Variants in DPH6 observed in about 807,000 individuals in gnomAD.
The protein encoded by DPH6 is diphthine--ammonia ligase.
A neutral mutation model predicts 38.2 loss-of-function variants in DPH6; 33 were observed. The ratio of observed to expected loss-of-function variants is 0.86; its 90% CI spans 0.65 to 1.15. DPH6 has a LOEUF of 1.15. Among genes scored for constraint, DPH6 ranks in the 50% most tolerant of loss-of-function variants. The pLI is 0.00. For missense variants in DPH6, 325 were observed against 320.0 expected (o/e 1.02, Z -0.12); for synonymous variants, 108 against 103.0 (o/e 1.05, Z -0.30).
intron 3 of DPH6, among the ~76,000 whole-genome samples, chr15:35,336,777 T>C (rs940627774): frequency 2.6e-5 from 4 of 152,348 alleles, no homozygotes; most frequent in African/African-American, 9.6e-5. Flanking sequence ...GAAACAGCCT[T>C]GCATCCCAGG....
intron 5 of DPH6, among the ~76,000 whole-genome samples, chr15:35,429,100 C>T (rs981351714): frequency 5.3e-5 from 8 of 152,140 alleles, no homozygotes; most frequent in African/African-American, 1.2e-4. Flanking sequence ...TAAATTACTA[C>T]AGCCACAACC....
intron 6 of DPH6, among the ~76,000 whole-genome samples, chr15:35,406,559 TGACTGTGAGGATAAAAAGGAG>T (rs1347444278): frequency 1.3e-5 from 2 of 151,912 alleles, no homozygotes; most frequent in African/African-American, 4.8e-5. Context: ...GCTAATGTGG[TGACTGTGAGGATAAAAAGGAG>T]GAAATAGTAA....
intron 6 of DPH6, among the ~76,000 whole-genome samples, chr15:35,404,425 G>A (rs374614749): frequency 1.3e-5 from 2 of 152,074 alleles, no homozygotes; most frequent in African/African-American, 2.4e-5. Flanking sequence ...ATTTTAACTG[G>A]TGTGAGAGAT....
chr15:35,232,770 A>G (rs1210474185), intron 3 of DPH6, among the ~76,000 whole-genome samples: 1 of 152,236 alleles, frequency 6.6e-6, no homozygotes, highest in Non-Finnish European at 1.5e-5. Flanking sequence ...TGGGAGGAGT[A>G]TGGTATAACA....
At chr15:35,300,143 T>C (rs920733486) in intron 3 of DPH6, among the ~76,000 whole-genome samples, 1 of 152,074 alleles carries the variant, frequency 6.6e-6, no homozygotes, top group Non-Finnish European at 1.5e-5. Flanking sequence ...AGAACAAGCT[T>C]GGCATGCTGA....
At position 35,430,393 on chromosome 15, in the gene DPH6, GA is replaced by G. The variant is rs562833474; in HGVS notation, c.506-19498del. On this transcript the variant is annotated intron_variant, in intron 5 of 8. Coordinates refer to ENST00000256538, the MANE Select transcript of DPH6 (RefSeq NM_080650.4). Reference sequence around the variant, plus strand: ...TGATATGTTAAACAACCTTCATACTGAAAAAAAAAAAAAATGCAATTATTGA... The same window carrying G: ...TGATATGTTAAACAACCTTCATACTGAAAAAAAAAAAAATGCAATTATTGA... Among the ~76,000 whole-genome samples, 666 of 137,592 alleles carry G rather than the reference GA, an allele frequency of 4.8e-3. 5 individuals carry two copies. The highest frequency in any genetic ancestry group is 0.011 in the African/African-American group (402 of 38,172). The allele number at this position is 137,592 out of a possible 152,430, so 90.3% of individuals were successfully genotyped here.
At chr15:35,409,034 G>T (rs1327558887) in intron 6 of DPH6, among the ~76,000 whole-genome samples, 1 of 151,890 alleles carries the variant, frequency 6.6e-6, no homozygotes, top group African/African-American at 2.4e-5. Context: ...AGACAGTCGA[G>T]GGGGTGGGTT....
chr15:35,186,372 C>T, the DPH6 span, among the ~76,000 whole-genome samples: 1 of 152,112 alleles, frequency 6.6e-6, no homozygotes, highest in African/African-American at 2.4e-5. Flanking sequence ...GATTTTTAGT[C>T]CAGCACAAAA....
intron 3 of DPH6, among the ~76,000 whole-genome samples, chr15:35,504,884 T>G (rs2054674415): frequency 6.6e-6 from 1 of 151,922 alleles, no homozygotes; most frequent in African/African-American, 2.4e-5. Flanking sequence ...GAGGAAATAA[T>G]AAAACATATC....
intron 3 of DPH6, among the ~76,000 whole-genome samples, chr15:35,465,449 T>G (rs565577342): frequency 6.6e-6 from 1 of 152,288 alleles, no homozygotes; most frequent in African/African-American, 2.4e-5. Context: ...AGCGAGAAAT[T>G]TATATGGCAA....
chr15:35,503,573 C>T (rs1003729661), intron 3 of DPH6, among the ~76,000 whole-genome samples: 1 of 152,112 alleles, frequency 6.6e-6, no homozygotes, highest in African/African-American at 2.4e-5. Flanking sequence ...TACCCTTATT[C>T]TTCTATTCAG....
At chr15:35,175,006 A>G in the DPH6 span, among the ~76,000 whole-genome samples, 1 of 152,210 alleles carries the variant, frequency 6.6e-6, no homozygotes, top group Non-Finnish European at 1.5e-5. Context: ...TCATACTTAC[A>G]TATCTATGCT....
At chr15:35,427,876 T>A (rs1347754100) in intron 5 of DPH6, among the ~76,000 whole-genome samples, 1 of 151,914 alleles carries the variant, frequency 6.6e-6, no homozygotes. Context: ...CTTTCTTTTC[T>A]TCCCTACAAT....
At chr15:35,260,105 C>A (rs561259394) in intron 3 of DPH6, among the ~76,000 whole-genome samples, 2 of 152,016 alleles carry the variant, frequency 1.3e-5, no homozygotes, top group Admixed American at 1.3e-4. Context: ...TCAGGAGATT[C>A]TTTTATTTTA....
intron 3 of DPH6, chr15:35,489,958 G>A (rs893872311): frequency 4.1e-6 from 4 of 982,320 alleles, no homozygotes; most frequent in Admixed American, 1.2e-4. Context: ...TTAACAAACA[G>A]CTAAACAAAA....
intron 3 of DPH6, among the ~76,000 whole-genome samples, chr15:35,356,975 G>C (rs370620703): frequency 2.6e-5 from 4 of 152,154 alleles, no homozygotes; most frequent in African/African-American, 9.7e-5. Context: ...CTCAAGCCTC[G>C]GCAGTGGCGG....
intron 3 of DPH6, among the ~76,000 whole-genome samples, chr15:35,341,791 T>C (rs2052423800): frequency 6.6e-6 from 1 of 152,126 alleles, no homozygotes; most frequent in Non-Finnish European, 1.5e-5. Flanking sequence ...CAAACACGCT[T>C]GTAGGAGGTG....
downstream of DPH6, among the ~76,000 whole-genome samples, chr15:35,213,921 G>C (rs1338771874): frequency 1.3e-5 from 2 of 152,192 alleles, no homozygotes; most frequent in African/African-American, 2.4e-5. Context: ...GACCATCCTG[G>C]CTAACACGGT....
Position 35,425,638 on chromosome 15 carries a change from A to C in DPH6, c.506-14742T>G, listed in dbSNP as rs1344468057. On this transcript the variant is annotated intron_variant, in intron 5 of 8. Transcript: ENST00000256538. ...CTATATACATATCTAATGTACATACATATCCATATATAAGATATATATGGA... is the reference window on the plus strand; with the variant it reads ...CTATATACATATCTAATGTACATACCTATCCATATATAAGATATATATGGA... Among the ~76,000 whole-genome samples the C allele has an allele frequency of 2.0e-5, 3 of 148,712 alleles. No homozygotes were observed. In the South Asian group the frequency reaches 6.4e-4, roughly 32 times the overall value.
Sources: gnomAD v4.1 joint callset for allele counts (sites outside exome capture counted in the v4.1 genomes callset) on GRCh38, gnomAD v4.1.1 for gene constraint, MANE v1.5 for transcripts, NCBI Gene and HGNC (gene_info 2026-07-23, HGNC 2026-07-21) for gene names.